The following MSRA variants were observed in gnomAD, a reference collection of about 807,000 sequenced individuals.
The protein encoded by MSRA is mitochondrial peptide methionine sulfoxide reductase.
In MSRA, 54 loss-of-function variants were observed where a neutral mutation model predicts 31.3. The observed-to-expected ratio is 1.73, with a 90% CI of 1.39 to 2.17. The LOEUF (loss-of-function observed/expected upper bound fraction) is 2.17, where lower values mean the gene tolerates loss of function less well. Among genes scored for constraint, MSRA ranks in the 30% most tolerant of loss-of-function variants. MSRA has a pLI of 0.00. For synonymous variants in MSRA, 169 were observed against 116.5 expected, an observed-to-expected ratio of 1.45 and a Z score of -2.90; for missense variants, 507 against 300.9, an observed-to-expected ratio of 1.69 and a Z score of -5.07.
intron 1 of MSRA, among the ~76,000 whole-genome samples, chr8:10,168,581 A>G (rs1256759571): frequency 6.6e-6 from 1 of 152,240 alleles, no homozygotes; most frequent in African/African-American, 2.4e-5. Context: ...CAAAACCCCT[A>G]TACGATAATG....
intron 5 of MSRA, among the ~76,000 whole-genome samples, chr8:10,393,022 G>A (rs1478086745): frequency 7.2e-6 from 1 of 138,026 alleles, no homozygotes; most frequent in Non-Finnish European, 1.5e-5. Context: ...AGATAGCGCC[G>A]CTGCACTCCA....
chr8:10,405,243 G>C lies in MSRA; in HGVS notation c.544-22905G>C, dbSNP rs193293940. 4.9e-4 allele frequency among the ~76,000 whole-genome samples: 74 copies of C among 152,084 alleles called. 2 individuals carry two copies. In the East Asian group the frequency reaches 0.014, roughly 29 times the overall value. On this transcript the variant is annotated intron_variant, in intron 5 of 5. Coordinates refer to ENST00000317173, the MANE Select transcript of MSRA (RefSeq NM_012331.5). ...TCCCCTCTGTCAACCCTGTGCCTAG[G>C]TGGGGAGCTGCAGCTGCAGGATCAG...
intron 2 of MSRA, among the ~76,000 whole-genome samples, chr8:10,233,484 A>G (rs1811672139): frequency 6.6e-6 from 1 of 152,256 alleles, no homozygotes; most frequent in African/African-American, 2.4e-5. Flanking sequence ...ATAATAAACT[A>G]TGACAGAAAA....
chr8:10,330,577 A>G (rs1220888053), intron 5 of MSRA, among the ~76,000 whole-genome samples: 1 of 152,230 alleles, frequency 6.6e-6, no homozygotes, highest in Non-Finnish European at 1.5e-5. Flanking sequence ...AAACAAAGCT[A>G]TCTGAGGCAA....
chr8:10,193,477 G>C (rs901175826), intron 1 of MSRA, among the ~76,000 whole-genome samples: 13 of 152,218 alleles, frequency 8.5e-5, no homozygotes, highest in Admixed American at 2.0e-4. Context: ...GCTAGAATGT[G>C]CAAGTTTTTA....
At chr8:10,167,900 C>T (rs1159830435) in intron 1 of MSRA, among the ~76,000 whole-genome samples, 2 of 152,158 alleles carry the variant, frequency 1.3e-5, no homozygotes, top group Admixed American at 1.3e-4. Context: ...AGGCCCTATA[C>T]CCTGATGTTA....
intron 1 of MSRA, among the ~76,000 whole-genome samples, chr8:10,204,643 C>T (rs1003570045): frequency 2.0e-5 from 3 of 152,166 alleles, no homozygotes; most frequent in Non-Finnish European, 4.4e-5. Flanking sequence ...CTCTGTGTTG[C>T]CCAATGACAA....
chr8:10,116,286 C>T (rs766880058), intron 1 of MSRA, among the ~76,000 whole-genome samples: 25 of 152,288 alleles, frequency 1.6e-4, no homozygotes, highest in Middle Eastern at 3.4e-3. Context: ...CATTAGCTAT[C>T]GTTAGTGTAT....
At chr8:10,314,293 TA>T (rs1448978122) in intron 4 of MSRA, among the ~76,000 whole-genome samples, 1 of 151,630 alleles carries the variant, frequency 6.6e-6, no homozygotes, top group African/African-American at 2.4e-5. Flanking sequence ...TCAGAATATA[TA>T]AAAAATAGAC....
intron 2 of MSRA, among the ~76,000 whole-genome samples, chr8:10,214,311 C>A (rs533651497): frequency 6.6e-6 from 1 of 152,070 alleles, no homozygotes; most frequent in African/African-American, 2.4e-5. Context: ...TCACCTTCGG[C>A]CCCTCCAAGG....
At position 10,420,426 on chromosome 8, in the gene MSRA, G is replaced by A. The variant is rs1284018777; in HGVS notation, c.544-7722G>A. ...GAGACTCTTTGAATCCATTTGTATTGTATAACAAACTACCCCAAAACTTAA... is the reference window on the plus strand; with the variant it reads ...GAGACTCTTTGAATCCATTTGTATTATATAACAAACTACCCCAAAACTTAA... On this transcript the variant is annotated intron_variant, in intron 5 of 5. Transcript: ENST00000317173. 3.3e-5 allele frequency among the ~76,000 whole-genome samples: 5 copies of A among 151,806 alleles called. No homozygotes were observed. In the East Asian group the frequency reaches 5.8e-4, roughly 18 times the overall value.
chr8:10,402,928 C>T (rs1339155936), intron 5 of MSRA, among the ~76,000 whole-genome samples: 1 of 152,172 alleles, frequency 6.6e-6, no homozygotes, highest in African/African-American at 2.4e-5. Context: ...TTCTGAGAAA[C>T]ATACACCATG....
chr8:10,239,174 T>G (rs1328136480), intron 2 of MSRA, among the ~76,000 whole-genome samples: 1 of 152,192 alleles, frequency 6.6e-6, no homozygotes, highest in Non-Finnish European at 1.5e-5. Context: ...ATAATTTTTT[T>G]TTTTTTAAGA....
intron 3 of MSRA, among the ~76,000 whole-genome samples, chr8:10,257,262 C>G (rs79362862): frequency 0.035 from 5,334 of 152,182 alleles, 290 homozygotes; most frequent in African/African-American, 0.12. Flanking sequence ...GACAGGCCCT[C>G]TCCGTCTCCA....
chr8:10,328,899 C>G (rs1447695346), intron 5 of MSRA, among the ~76,000 whole-genome samples: 3 of 152,154 alleles, frequency 2.0e-5, no homozygotes, highest in Non-Finnish European at 4.4e-5. Context: ...CCTTCATGGA[C>G]TCACTGTTGC....
At chr8:10,253,745 A>AC (rs1798033154) in intron 3 of MSRA, among the ~76,000 whole-genome samples, 1 of 104,184 alleles carries the variant, frequency 9.6e-6, no homozygotes, top group Non-Finnish European at 2.5e-5. Flanking sequence ...AAATAACCTT[A>AC]TGGGGGTCAG....
chr8:10,161,461 G>C (rs1335902312), intron 1 of MSRA, among the ~76,000 whole-genome samples: 5 of 152,212 alleles, frequency 3.3e-5, no homozygotes, highest in African/African-American at 1.2e-4. Context: ...GAAGCGCTAA[G>C]TAGGGCAGGT....
At chr8:10,097,751 A>T (rs778047744) in intron 1 of MSRA, among the ~76,000 whole-genome samples, 1 of 152,164 alleles carries the variant, frequency 6.6e-6, no homozygotes, top group Non-Finnish European at 1.5e-5. Flanking sequence ...TTCATGTCCA[A>T]TTATTTTCCA....
chr8:10,149,482 C>G (rs1232140925), intron 1 of MSRA, among the ~76,000 whole-genome samples: 1 of 152,196 alleles, frequency 6.6e-6, no homozygotes, highest in Non-Finnish European at 1.5e-5. Context: ...CCCTCCAGGG[C>G]CTGTGCTGAT....
Sources: gnomAD v4.1 joint callset for allele counts (sites outside exome capture counted in the v4.1 genomes callset) on GRCh38, gnomAD v4.1.1 for gene constraint, MANE v1.5 for transcripts, NCBI Gene and HGNC (gene_info 2026-07-23, HGNC 2026-07-21) for gene names.